CDH13: variants seen among roughly 807,000 people sequenced by gnomAD.
CDH13 encodes the protein cadherin 13, also known as cadherin-13.
In CDH13, 24 loss-of-function variants were observed where a neutral mutation model predicts 63.8. That is an observed-to-expected ratio of 0.38 (90% confidence interval 0.27 to 0.53). The LOEUF (loss-of-function observed/expected upper bound fraction) is 0.53, where lower values mean the gene tolerates loss of function less well. Among genes scored for constraint, CDH13 ranks in the 20% least tolerant of loss-of-function variants. The pLI, the probability that CDH13 is intolerant of heterozygous loss-of-function variation, is 0.85. For synonymous variants in CDH13, 503 were observed against 355.3 expected (o/e 1.42, Z -4.67); for missense variants, 1,049 against 903.1 (o/e 1.16, Z -2.07).
intron 2 of CDH13, among the ~76,000 whole-genome samples, chr16:83,017,056 A>C (rs1292623558): frequency 6.6e-6 from 1 of 152,346 alleles, no homozygotes; most frequent in Non-Finnish European, 1.5e-5. Context: ...AGACAGATCA[A>C]TGATAGCAAA....
chr16:82,660,554 G>T (rs1394743343), intron 1 of CDH13, among the ~76,000 whole-genome samples: 3 of 152,112 alleles, frequency 2.0e-5, no homozygotes, highest in African/African-American at 7.2e-5. Context: ...AACAGAAACA[G>T]CCCGAGGCCA....
chr16:82,881,095 GT>G (rs2040686393), intron 2 of CDH13, among the ~76,000 whole-genome samples: 1 of 151,978 alleles, frequency 6.6e-6, no homozygotes, highest in South Asian at 2.1e-4. Context: ...CTTTAGTATT[GT>G]TTTTTTCTTT....
At chr16:83,232,555 A>AC (rs898673382) in intron 5 of CDH13, among the ~76,000 whole-genome samples, 43 of 148,966 alleles carry the variant, frequency 2.9e-4, no homozygotes, top group South Asian at 8.5e-4. Flanking sequence ...CAAACAAACA[A>AC]AAAAAAAAAA....
At chr16:83,718,482 C>T (rs1266418766) in intron 10 of CDH13, among the ~76,000 whole-genome samples, 1 of 152,144 alleles carries the variant, frequency 6.6e-6, no homozygotes, top group African/African-American at 2.4e-5. Flanking sequence ...GTTGCTACCT[C>T]TATGGATTTC....
intron 5 of CDH13, among the ~76,000 whole-genome samples, chr16:83,338,145 C>T (rs1349540348): frequency 6.8e-6 from 1 of 147,102 alleles, no homozygotes; most frequent in Non-Finnish European, 1.5e-5. Flanking sequence ...AAGGCCAGAC[C>T]TGTATGGGAC....
intron 9 of CDH13, among the ~76,000 whole-genome samples, chr16:83,677,139 G>A (rs979922505): frequency 2.0e-5 from 3 of 152,148 alleles, no homozygotes; most frequent in African/African-American, 4.8e-5. Context: ...CCCATGCACC[G>A]CTGACAGAGA....
chr16:83,013,236 G>T (rs1219856806), intron 2 of CDH13, among the ~76,000 whole-genome samples: 1 of 152,244 alleles, frequency 6.6e-6, no homozygotes, highest in Non-Finnish European at 1.5e-5. Context: ...GGTGAATAGT[G>T]TGGCTGTATT....
chr16:82,717,838 C>T (rs1011642168), intron 1 of CDH13, among the ~76,000 whole-genome samples: 1 of 150,136 alleles, frequency 6.7e-6, no homozygotes, highest in African/African-American at 2.5e-5. Flanking sequence ...CATTATTCAG[C>T]CTACTGTAGT....
Position 82,866,377 on chromosome 16 carries a change from C to CTTTTTTTTTTTTTTTTTTTTTTTTTTTTT in CDH13, c.157+7905_157+7933dup, listed in dbSNP as rs538206338. 1.2e-4 allele frequency among the ~76,000 whole-genome samples: 7 copies of CTTTTTTTTTTTTTTTTTTTTTTTTTTTTT among 58,322 alleles called. 2 individuals carry two copies. Among genetic ancestry groups the CTTTTTTTTTTTTTTTTTTTTTTTTTTTTT allele is most frequent in the Non-Finnish European group, 1.7e-4 (6 of 34,364 alleles). The allele number at this position is 58,322 out of a possible 152,430, so 38.3% of individuals were successfully genotyped here. A position where few individuals can be genotyped will look rare whatever the true frequency, so the allele number is the denominator to read the frequency against. On this transcript the variant is annotated intron_variant, in intron 2 of 13. Transcript: ENST00000567109. ...TCTGTTTTCTTTTCTTTTTCTTCTT[C>CTTTTTTTTTTTTTTTTTTTTTTTTTTTTT]TTTTTTTTTTTTTTTTTTTTTTTTT...
At chr16:82,862,241 C>G (rs1253296911) in intron 2 of CDH13, among the ~76,000 whole-genome samples, 2 of 152,182 alleles carry the variant, frequency 1.3e-5, no homozygotes, top group Non-Finnish European at 1.5e-5. Flanking sequence ...TACATCATGA[C>G]ACCCAGAACA....
At chr16:83,470,402 A>G (rs1482655729) in intron 6 of CDH13, among the ~76,000 whole-genome samples, 1 of 152,096 alleles carries the variant, frequency 6.6e-6, no homozygotes, top group African/African-American at 2.4e-5. Flanking sequence ...TGGCTATCAA[A>G]AGGTAGCTCT....
chr16:82,648,661 G>A (rs3910229), intron 1 of CDH13, among the ~76,000 whole-genome samples: 52,544 of 152,098 alleles, frequency 0.35, 10,436 homozygotes, highest in African/African-American at 0.55. Context: ...TTGTTCATGC[G>A]TTGGGATTCA....
At chr16:83,782,143 C>T (rs1915571033) in intron 12 of CDH13, among the ~76,000 whole-genome samples, 1 of 152,058 alleles carries the variant, frequency 6.6e-6, no homozygotes, top group Non-Finnish European at 1.5e-5. Context: ...TAGATAAATG[C>T]CTTCTAAATG....
At chr16:83,293,867 A>G (rs2089522571) in intron 5 of CDH13, among the ~76,000 whole-genome samples, 1 of 152,200 alleles carries the variant, frequency 6.6e-6, no homozygotes, top group Non-Finnish European at 1.5e-5. Context: ...CATAATCTCT[A>G]AGGGCTTCAC....
intron 4 of CDH13, among the ~76,000 whole-genome samples, chr16:83,211,893 T>C (rs1214532197): frequency 6.6e-6 from 1 of 152,040 alleles, no homozygotes; most frequent in Non-Finnish European, 1.5e-5. Flanking sequence ...ATTTTTTCCA[T>C]TCCAACTCAG....
intron 6 of CDH13, among the ~76,000 whole-genome samples, chr16:83,410,274 C>T (rs1035635004): frequency 2.0e-5 from 3 of 152,148 alleles, no homozygotes; most frequent in Admixed American, 6.5e-5. Flanking sequence ...ATCAAAACCA[C>T]GTTCGCCTTT....
At chr16:82,636,056 C>A (rs1713272419) in intron 1 of CDH13, among the ~76,000 whole-genome samples, 1 of 152,108 alleles carries the variant, frequency 6.6e-6, no homozygotes, top group Non-Finnish European at 1.5e-5. Flanking sequence ...TACCCAGTCC[C>A]AGGCAGTTCT....
chr16:83,475,047 CTGGCTCT>C (rs1390907521), intron 6 of CDH13, among the ~76,000 whole-genome samples: 1 of 152,266 alleles, frequency 6.6e-6, no homozygotes, highest in Non-Finnish European at 1.5e-5. Flanking sequence ...CATCTGGCTC[CTGGCTCT>C]TGACCACGAC....
intron 1 of CDH13, among the ~76,000 whole-genome samples, chr16:82,798,295 T>G (rs2036686776): frequency 6.6e-6 from 1 of 152,154 alleles, no homozygotes; most frequent in South Asian, 2.1e-4. Flanking sequence ...AGCCGCACAC[T>G]CAGTAAGCTA....
Sources: gnomAD v4.1 joint callset for allele counts (sites outside exome capture counted in the v4.1 genomes callset) on GRCh38, gnomAD v4.1.1 for gene constraint, MANE v1.5 for transcripts, NCBI Gene and HGNC (gene_info 2026-07-23, HGNC 2026-07-21) for gene names.